The following SIK3 variants were observed in gnomAD, a reference collection of about 807,000 sequenced individuals.
SIK3 encodes the protein SIK family kinase 3, also known as serine/threonine-protein kinase SIK3.
SIK3 carries 28 observed loss-of-function variants against 144.2 expected under a neutral mutation model. That is an observed-to-expected ratio of 0.19 (90% CI 0.14 to 0.27). The LOEUF is 0.27. Among genes scored for constraint, SIK3 ranks in the 10% least tolerant of loss-of-function variants. The pLI, the probability that SIK3 is intolerant of heterozygous loss-of-function variation, is 1.00. For missense variants in SIK3, 1,319 were observed against 1,776.0 expected (o/e 0.74, Z 4.62); for synonymous variants, 686 against 676.3 (o/e 1.01, Z -0.22).
intron 1 of SIK3, among the ~76,000 whole-genome samples, chr11:116,967,745 T>C (rs900221775): frequency 5.9e-5 from 9 of 152,200 alleles, no homozygotes; most frequent in Non-Finnish European, 1.2e-4. Context: ...GGTGCATCGT[T>C]GTGAAATCAT....
chr11:117,079,788 T>G (rs1342370482), intron 1 of SIK3, among the ~76,000 whole-genome samples: 1 of 151,864 alleles, frequency 6.6e-6, no homozygotes, highest in African/African-American at 2.4e-5. Flanking sequence ...GCATTTTCAT[T>G]TTATATTAGA....
intron 18 of SIK3, 23 bp from the exon 19 acceptor site, chr11:116,861,406 C>T (rs372406761): frequency 1.3e-6 from 2 of 1,513,762 alleles, no homozygotes; most frequent in Non-Finnish European, 1.8e-6. Flanking sequence ...AAAAGAGATA[C>T]ACAAAGAAGC....
rs558638124 is a variant in SIK3, at chr11:116,992,154, T to C, written c.274-35090A>G. ...GCTTGGCCAACATGGTGAAACCTCATTTTTACTAAAAATACAAAAAATTAG... is the reference window on the plus strand; with the variant it reads ...GCTTGGCCAACATGGTGAAACCTCACTTTTACTAAAAATACAAAAAATTAG... On this transcript the variant is annotated intron_variant, in intron 1 of 24. Transcript: ENST00000445177. Among the ~76,000 whole-genome samples the C allele has an allele frequency of 2.0e-4, 31 of 152,032 alleles. No homozygotes were observed. The South Asian group carries it at 6.2e-3, about 31-fold the overall frequency.
Position 116,858,759 on chromosome 11 carries a change from C to G in SIK3, c.2766-60G>C. On this transcript the variant is annotated intron_variant, in intron 20 of 24. Transcript: ENST00000445177. The surrounding 1 kb of genome is among the most constrained non-coding windows in gnomAD (Gnocchi z 5.4). The stretch of plus-strand genomic sequence containing the variant: ...TAACAAGTACTAGACTTCCTGGGAA[C>G]AGCTCCTCCTCCTCAGTAGGGAGAA... 1 of 1,510,478 alleles carries G rather than the reference C, an allele frequency of 6.6e-7. No homozygotes were observed. Among genetic ancestry groups the G allele is most frequent in the South Asian group, 1.3e-5 (1 of 74,234 alleles). The allele number at this position is 1,510,478 out of a possible 1,614,324, so 93.6% of individuals were successfully genotyped here.
chr11:116,999,048 A>G (rs1342058268), intron 1 of SIK3, among the ~76,000 whole-genome samples: 3 of 152,336 alleles, frequency 2.0e-5, no homozygotes, highest in African/African-American at 7.2e-5. Context: ...TCCAAATCCA[A>G]TTCCAGATTT....
At chr11:117,045,326 G>A (rs762464941) in intron 1 of SIK3, among the ~76,000 whole-genome samples, 9 of 152,152 alleles carry the variant, frequency 5.9e-5, no homozygotes, top group Admixed American at 5.2e-4. Flanking sequence ...TGTACTACAA[G>A]AGTATCAGTT....
At chr11:116,964,754 AC>A (rs1459854751) in intron 1 of SIK3, among the ~76,000 whole-genome samples, 1 of 151,920 alleles carries the variant, frequency 6.6e-6, no homozygotes, top group Non-Finnish European at 1.5e-5. Flanking sequence ...GGTGGTGGGC[AC>A]CTGTAATCCC....
chr11:116,952,275 A>G (rs1209927793), intron 3 of SIK3, among the ~76,000 whole-genome samples: 2 of 152,122 alleles, frequency 1.3e-5, no homozygotes, highest in African/African-American at 4.8e-5. Flanking sequence ...GCTAGTGCAC[A>G]GCTATAGTAT....
At chr11:116,914,271 C>A (rs1318315471) in intron 4 of SIK3, among the ~76,000 whole-genome samples, 11 of 149,330 alleles carry the variant, frequency 7.4e-5, no homozygotes, top group Non-Finnish European at 1.6e-4. Context: ...TGCAATGCCA[C>A]CATTTTGGGT....
chr11:117,061,263 C>A (rs1456286435), intron 1 of SIK3, among the ~76,000 whole-genome samples: 1 of 151,820 alleles, frequency 6.6e-6, no homozygotes, highest in African/African-American at 2.4e-5. Context: ...TAAAATAAAG[C>A]CTATTCATTA....
intron 3 of SIK3, among the ~76,000 whole-genome samples, chr11:116,931,865 T>A (rs79974099): frequency 0.16 from 24,543 of 152,184 alleles, 2,091 homozygotes; most frequent in Admixed American, 0.21. Flanking sequence ...TTTAATATCC[T>A]ATTGTCCTCT....
At position 116,956,938 on chromosome 11, in the gene SIK3, A is replaced by C. The variant is rs749381456; in HGVS notation, c.390+10T>G. On this transcript the variant is annotated intron_variant, in intron 2 of 24. Coordinates refer to ENST00000445177, the MANE Select transcript of SIK3 (RefSeq NM_001366686.3). ...CTTTGCAGCTATCTGCTATACACTAATGATCCTACCTGGTAGAGCCTGATG... is the reference window on the plus strand; with the variant it reads ...CTTTGCAGCTATCTGCTATACACTACTGATCCTACCTGGTAGAGCCTGATG... The C allele has an allele frequency of 6.4e-7, 1 of 1,556,574 alleles. No homozygotes were observed. Among genetic ancestry groups the C allele is most frequent in the Non-Finnish European group, 8.7e-7 (1 of 1,143,100 alleles).
intron 6 of SIK3, among the ~76,000 whole-genome samples, chr11:116,882,408 G>A (rs1221718543): frequency 6.6e-6 from 1 of 152,146 alleles, no homozygotes; most frequent in Non-Finnish European, 1.5e-5. Context: ...GAGGAGATAG[G>A]TAAAAATTTA....
intron 4 of SIK3, among the ~76,000 whole-genome samples, chr11:116,921,573 T>C (rs945817469): frequency 1.3e-5 from 2 of 152,198 alleles, no homozygotes; most frequent in Non-Finnish European, 2.9e-5. Context: ...AATCTCACTA[T>C]GTTGCCCCAG....
intron 1 of SIK3, among the ~76,000 whole-genome samples, chr11:117,008,114 G>A (rs1205102900): frequency 6.9e-6 from 1 of 145,404 alleles, no homozygotes; most frequent in Non-Finnish European, 1.5e-5. Context: ...AATTGGGAAG[G>A]AGTTAGACAT....
At chr11:116,947,042 G>A (rs1333095755) in intron 3 of SIK3, among the ~76,000 whole-genome samples, 2 of 148,798 alleles carry the variant, frequency 1.3e-5, no homozygotes, top group South Asian at 2.1e-4. Context: ...AACCTGGGAC[G>A]TGGAGCTTGC....
chr11:117,055,953 C>T (rs1388555030), intron 1 of SIK3, among the ~76,000 whole-genome samples: 2 of 152,190 alleles, frequency 1.3e-5, no homozygotes, highest in Admixed American at 1.3e-4. Context: ...GCCTCCAGAA[C>T]TATGAGAAAA....
At chr11:116,933,137 CTTT>C (rs35571107) in intron 3 of SIK3, among the ~76,000 whole-genome samples, 5 of 140,026 alleles carry the variant, frequency 3.6e-5, no homozygotes, top group East Asian at 2.1e-4. Context: ...AACCTTGCTC[CTTT>C]TTTTTTTTTT....
At chr11:116,972,309 C>T (rs1404966554) in intron 1 of SIK3, among the ~76,000 whole-genome samples, 1 of 152,070 alleles carries the variant, frequency 6.6e-6, no homozygotes, top group Non-Finnish European at 1.5e-5. Context: ...ATGTTTTGCT[C>T]CTTCTCAAAA....
Sources: allele counts gnomAD v4.1 joint callset (sites outside exome capture counted in the v4.1 genomes callset), GRCh38; gene constraint gnomAD v4.1.1; non-coding constraint Gnocchi (gnomAD v3.1); transcripts MANE v1.5; gene names NCBI Gene and HGNC (gene_info 2026-07-23, HGNC 2026-07-21).